DEFB119: variants seen among roughly 807,000 people sequenced by gnomAD.
DEFB119 encodes defensin beta 119.
A neutral mutation model predicts 2.5 loss-of-function variants in DEFB119; 3 were observed. The ratio of observed to expected loss-of-function variants is 1.19; its 90% CI spans 0.54 to 3.07. The LOEUF is 3.07. Among genes scored for constraint, DEFB119 ranks in the 30% most tolerant of loss-of-function variants. The pLI, the probability that DEFB119 is intolerant of heterozygous loss-of-function variation, is 0.03. For synonymous variants in DEFB119, 29 were observed against 33.7 expected, an observed-to-expected ratio of 0.86 and a Z score of 0.48; for missense variants, 113 against 101.1, an observed-to-expected ratio of 1.12 and a Z score of -0.50.
intron 1 of DEFB119, among the ~76,000 whole-genome samples, 187 bp downstream of exon 1, chr20:31,390,236 A>G (rs963310948): frequency 2.0e-5 from 3 of 151,888 alleles, no homozygotes; most frequent in Admixed American, 6.6e-5. Context: ...TGCTCCAAAC[A>G]TCTATCATCC....
chr20:31,378,231 A>G, intron 1 of DEFB119: 3 of 1,474,042 alleles, frequency 2.0e-6, no homozygotes, highest in Non-Finnish European at 2.8e-6. Context: ...TCACCACCAC[A>G]CAGTAGTAAC....
chr20:31,382,117 A>G (rs1986527044), intron 1 of DEFB119, among the ~76,000 whole-genome samples: 1 of 152,218 alleles, frequency 6.6e-6, no homozygotes, highest in Non-Finnish European at 1.5e-5. Context: ...TTGAACCAAT[A>G]TCAGTTTCCT....
chr20:31,389,731 A>G (rs1986853751), intron 1 of DEFB119, among the ~76,000 whole-genome samples: 1 of 151,866 alleles, frequency 6.6e-6, no homozygotes, highest in Non-Finnish European at 1.5e-5. Flanking sequence ...ACCCAATTCA[A>G]ACTCAAACTC....
At chr20:31,380,817 A>G (rs1986478904) in intron 1 of DEFB119, among the ~76,000 whole-genome samples, 1 of 152,114 alleles carries the variant, frequency 6.6e-6, no homozygotes, top group South Asian at 2.1e-4. Context: ...CACAATCTCA[A>G]TTACTATTAC....
chr20:31,382,428 T>C (rs1986535386), intron 1 of DEFB119, among the ~76,000 whole-genome samples: 1 of 152,122 alleles, frequency 6.6e-6, no homozygotes, highest in Admixed American at 6.6e-5. Flanking sequence ...ACCGGAAAAA[T>C]ATCTAACCCC....
At chr20:31,378,341 C>G in intron 1 of DEFB119, 4 of 1,614,202 alleles carry the variant, frequency 2.5e-6, no homozygotes, top group Non-Finnish European at 3.4e-6. Context: ...TACACCTGGA[C>G]TTCCACCCAC....
At chr20:31,389,673 T>C (rs1254202820) in intron 1 of DEFB119, among the ~76,000 whole-genome samples, 2 of 152,054 alleles carry the variant, frequency 1.3e-5, no homozygotes, top group Non-Finnish European at 2.9e-5. Flanking sequence ...CCAACAAGCC[T>C]CAGCTCCAGC....
At chr20:31,378,098 G>A (rs1372168339) in intron 1 of DEFB119, among the ~76,000 whole-genome samples, 1 of 152,192 alleles carries the variant, frequency 6.6e-6, no homozygotes, top group Non-Finnish European at 1.5e-5. Flanking sequence ...TCACCACCAT[G>A]CAGTGTCGAT....
intron 1 of DEFB119, among the ~76,000 whole-genome samples, chr20:31,389,892 G>A (rs1381268602): frequency 6.6e-6 from 1 of 151,676 alleles, no homozygotes; most frequent in Non-Finnish European, 1.5e-5. Context: ...TGACCAAGCT[G>A]AACCCAATCA....
At chr20:31,381,183 G>T (rs972499750) in intron 1 of DEFB119, among the ~76,000 whole-genome samples, 4 of 152,060 alleles carry the variant, frequency 2.6e-5, no homozygotes, top group Non-Finnish European at 5.9e-5. Context: ...GACTTTGAAT[G>T]GTATTATATT....
intron 1 of DEFB119, among the ~76,000 whole-genome samples, chr20:31,387,809 G>A (rs1403409294): frequency 6.6e-6 from 1 of 152,200 alleles, no homozygotes; most frequent in Non-Finnish European, 1.5e-5. Flanking sequence ...AGAAAGGGAG[G>A]AGGGCAGGCA....
chr20:31,379,229 T>C (rs1474073553), intron 1 of DEFB119, among the ~76,000 whole-genome samples: 2 of 152,156 alleles, frequency 1.3e-5, no homozygotes, highest in African/African-American at 4.8e-5. Context: ...GGACACATTT[T>C]TTTAATTTGT....
intron 1 of DEFB119, among the ~76,000 whole-genome samples, chr20:31,381,268 C>T (rs937126412): frequency 2.0e-5 from 3 of 152,178 alleles, no homozygotes; most frequent in Admixed American, 2.0e-4. Context: ...ACCTTGTATC[C>T]TGGGACCTTA....
At chr20:31,378,501 G>A in intron 1 of DEFB119, 1 of 1,509,422 alleles carries the variant, frequency 6.6e-7, no homozygotes, top group South Asian at 1.2e-5. Context: ...TCATCATACT[G>A]AGAACCAGGA....
At chr20:31,385,637 C>G (rs1986668803) in intron 1 of DEFB119, among the ~76,000 whole-genome samples, 1 of 152,072 alleles carries the variant, frequency 6.6e-6, no homozygotes, top group Admixed American at 6.6e-5. Context: ...GATGCTGAGG[C>G]AGGTGGATCA....
chr20:31,383,775 G>A (rs948928462), intron 1 of DEFB119, among the ~76,000 whole-genome samples: 15 of 151,198 alleles, frequency 9.9e-5, no homozygotes, highest in Non-Finnish European at 1.5e-4. Context: ...CCCGGGAGGC[G>A]GAGCTTGCAG....
intron 1 of DEFB119, among the ~76,000 whole-genome samples, chr20:31,388,773 C>A (rs1986806837): frequency 6.6e-6 from 1 of 152,138 alleles, no homozygotes; most frequent in South Asian, 2.1e-4. Flanking sequence ...CCATGTTCTC[C>A]CCAGTCCACT....
intron 1 of DEFB119, among the ~76,000 whole-genome samples, chr20:31,382,638 C>A (rs116087217): frequency 3.0e-3 from 458 of 152,326 alleles, no homozygotes; most frequent in African/African-American, 0.01. Context: ...CCCTCCAGCC[C>A]AGAAGTTTCT....
chr20:31,388,709 A>G (rs1264371524), intron 1 of DEFB119, among the ~76,000 whole-genome samples: 1 of 152,092 alleles, frequency 6.6e-6, no homozygotes, highest in Non-Finnish European at 1.5e-5. Flanking sequence ...TCCCAGCCTA[A>G]GGATTCTCCC....
Sources: gnomAD v4.1 joint callset for allele counts (sites outside exome capture counted in the v4.1 genomes callset) on GRCh38, gnomAD v4.1.1 for gene constraint, MANE v1.5 for transcripts, NCBI Gene and HGNC (gene_info 2026-07-23, HGNC 2026-07-21) for gene names.